Variants in ZNF708 observed in about 807,000 individuals in gnomAD.
ZNF708 encodes ZNF15, ZNF15L1.
Under a neutral mutation model 47.0 loss-of-function variants are expected in ZNF708, and 44 were observed. The ratio of observed to expected loss-of-function variants is 0.94; its 90% confidence interval spans 0.74 to 1.20. The LOEUF (loss-of-function observed/expected upper bound fraction) is 1.20, where lower values mean the gene tolerates loss of function less well. Ranked by LOEUF, ZNF708 falls within the 50% of genes most tolerant of loss-of-function variation. The pLI is 0.00. For missense variants in ZNF708, 557 were observed against 656.0 expected, an observed-to-expected ratio of 0.85 and a Z score of 1.65; for synonymous variants, 184 against 218.5, an observed-to-expected ratio of 0.84 and a Z score of 1.39.
chr19:21,297,260 ATATATATATATTTTTTTTTTT>A (rs1483870040), intron 3 of ZNF708, among the ~76,000 whole-genome samples: 5 of 15,230 alleles, frequency 3.3e-4, no homozygotes, highest in Non-Finnish European at 5.9e-4. Flanking sequence ...ATATATATAT[ATATATATATATTTTTTTTTTT>A]TTTTTTTTTT....
At chr19:21,300,498 CTCTG>C (rs1418951862) in intron 3 of ZNF708, among the ~76,000 whole-genome samples, 47 of 146,306 alleles carry the variant, frequency 3.2e-4, no homozygotes, top group Admixed American at 6.8e-4. Context: ...AAGAACGAAA[CTCTG>C]TCTAAAAAAA....
chr19:21,328,487 G>C (rs1973308285), intron 1 of ZNF708, among the ~76,000 whole-genome samples: 1 of 152,110 alleles, frequency 6.6e-6, no homozygotes, highest in Non-Finnish European at 1.5e-5. Flanking sequence ...GAGGAATGGG[G>C]CTGGGAGGTA....
Position 21,309,319 on chromosome 19 carries a change from G to T in ZNF708, c.153C>A (p.Asp51Glu). ...TTCCTTGCTCCAGACAGGTGATCAG[G>T]TCTAAATTAGACACAGCAATACCTG... The part of the protein sequence containing the change: ...VFLGIAVSNL[D>E]LITCLEQGKE... Residue 51 changes from aspartate (D) to glutamate (E), a missense_variant, in exon 3 of 4, where the codon GAC (aspartate) becomes GAA (glutamate). Transcript: ENST00000356929. 1 of 1,599,056 alleles carries T rather than the reference G, an allele frequency of 6.3e-7. No individual in the cohort carries two copies. The highest frequency in any genetic ancestry group is 1.1e-5 in the South Asian group (1 of 90,242).
chr19:21,329,179 C>G, intron 1 of ZNF708, 31 bp downstream of exon 1: 1 of 1,611,732 alleles, frequency 6.2e-7, no homozygotes, highest in Non-Finnish European at 8.5e-7. Context: ...CAGCCCTTCC[C>G]CTCTCTCGGG....
chr19:21,317,482 G>T (rs758038003), intron 1 of ZNF708, among the ~76,000 whole-genome samples: 1 of 152,130 alleles, frequency 6.6e-6, no homozygotes, highest in African/African-American at 2.4e-5. Flanking sequence ...TCCTGAGAGG[G>T]AAAGGCCCTT....
At position 21,293,768 on chromosome 19, in the gene ZNF708, C is replaced by G; in HGVS notation, c.1198G>C (p.Ala400Pro). 6.2e-7 allele frequency: 1 copy of G among 1,612,582 alleles called. No homozygotes were observed. Among genetic ancestry groups the G allele is most frequent in the South Asian group, 1.1e-5 (1 of 91,024 alleles). Reference sequence around the variant, plus strand: ...GTAAGAGTTGAGGACTTGGTAAAGGCTTTACCACATTCTTCACATTTGTAG... The same window carrying G: ...GTAAGAGTTGAGGACTTGGTAAAGGGTTTACCACATTCTTCACATTTGTAG... The part of the protein sequence containing the change: ...KPYKCEECGK[A>P]FTKSSTLTYH... Residue 400 changes from alanine to proline, a missense_variant, in exon 4 of 4, where the codon GCC becomes CCC. Coordinates refer to ENST00000356929, the MANE Select transcript of ZNF708 (RefSeq NM_021269.3).
intron 3 of ZNF708, among the ~76,000 whole-genome samples, chr19:21,307,126 TAAAA>T (rs1263578633): frequency 3.7e-5 from 5 of 134,262 alleles, no homozygotes; most frequent in African/African-American, 1.4e-4. Flanking sequence ...AAATATAAAA[TAAAA>T]AATAAAATAA....
intron 1 of ZNF708, among the ~76,000 whole-genome samples, chr19:21,321,711 G>T (rs970040991): frequency 1.4e-5 from 2 of 146,126 alleles, no homozygotes; most frequent in African/African-American, 5.1e-5. Context: ...AAGAAAGGAA[G>T]GAAGGAAGGA....
intron 1 of ZNF708, among the ~76,000 whole-genome samples, chr19:21,319,274 T>C (rs537375639): frequency 1.3e-5 from 2 of 152,322 alleles, no homozygotes; most frequent in East Asian, 3.9e-4. Flanking sequence ...TTTCAGTTTA[T>C]ACACTGAACT....
rs763232694 is a variant in ZNF708 at position 21,294,619 on chromosome 19, T to A, written c.347A>T (p.Asp116Val). Residue 116 changes from aspartate to valine, a missense_variant, in exon 4 of 4, where the codon GAT becomes GTT. By Grantham distance (152) the Asp-to-Val change is radical. Transcript: ENST00000356929. ...ACCTCCTTTGTGCAACTTATGCTCA[T>A]CCACACTTTTACAGCCTTTCTGATA... ...CGYQKGCKSVDEHKLHKGGHK... is the reference protein window; with the variant it reads ...CGYQKGCKSVVEHKLHKGGHK... The A allele has an allele frequency of 5.0e-6, 8 of 1,614,080 alleles. No individual in the cohort carries two copies. The South Asian group carries it at 8.8e-5, about 18-fold the overall frequency.
At chr19:21,328,150 A>G (rs900337220) in intron 1 of ZNF708, 1 of 235,242 alleles carries the variant, frequency 4.3e-6, no homozygotes, top group African/African-American at 2.3e-5. Flanking sequence ...ACCTGAAAAC[A>G]AACATTCTGA....
At chr19:21,322,126 CACCAGGA>C (rs1347370393) in intron 1 of ZNF708, among the ~76,000 whole-genome samples, 2 of 152,104 alleles carry the variant, frequency 1.3e-5, no homozygotes, top group African/African-American at 2.4e-5. Context: ...TAGCAAGAAA[CACCAGGA>C]TCAAAAATGC....
intron 3 of ZNF708, among the ~76,000 whole-genome samples, chr19:21,297,884 A>G (rs1310549858): frequency 1.3e-5 from 2 of 152,110 alleles, no homozygotes; most frequent in Non-Finnish European, 2.9e-5. Context: ...AACAACATGT[A>G]CTTTAAGTGA....
chr19:21,301,594 C>T (rs1262539615), intron 3 of ZNF708, among the ~76,000 whole-genome samples: 10 of 151,494 alleles, frequency 6.6e-5, no homozygotes, highest in East Asian at 5.8e-4. Context: ...CTAGCCTGGG[C>T]GACACAGCTA....
chr19:21,307,000 TAACATAACATAAAA>T (rs1972781885), intron 3 of ZNF708: 1 of 130,004 alleles, frequency 7.7e-6, no homozygotes, highest in African/African-American at 2.8e-5. Context: ...TAACATAACA[TAACATAACATAAAA>T]CATAACATAA....
At chr19:21,321,707 G>GAAA (rs768288053) in intron 1 of ZNF708, among the ~76,000 whole-genome samples, 8 of 145,592 alleles carry the variant, frequency 5.5e-5, no homozygotes, top group South Asian at 2.2e-4. Context: ...AAGAAAGAAA[G>GAAA]GAAGGAAGGA....
chr19:21,296,328 C>G (rs1006580156), intron 3 of ZNF708, among the ~76,000 whole-genome samples: 1 of 151,938 alleles, frequency 6.6e-6, no homozygotes, highest in African/African-American at 2.4e-5. Context: ...TGGTGAAACC[C>G]CGTTTCTACT....
intron 3 of ZNF708, among the ~76,000 whole-genome samples, chr19:21,308,587 C>A (rs1283091593): frequency 6.6e-6 from 1 of 151,938 alleles, no homozygotes; most frequent in East Asian, 1.9e-4. Context: ...CCCAGTAAAT[C>A]TTTTTAAGAG....
At chr19:21,324,423 C>T (rs1308422313) in intron 1 of ZNF708, among the ~76,000 whole-genome samples, 3 of 151,998 alleles carry the variant, frequency 2.0e-5, no homozygotes, top group Non-Finnish European at 4.4e-5. Flanking sequence ...CAAAATTAAC[C>T]AGGTGTGGTG....
Sources: gnomAD v4.1 joint callset for allele counts (sites outside exome capture counted in the v4.1 genomes callset) on GRCh38, gnomAD v4.1.1 for gene constraint, MANE v1.5 for transcripts, NCBI Gene and HGNC (gene_info 2026-07-23, HGNC 2026-07-21) for gene names.